GOLGA2: variants seen among roughly 807,000 people sequenced by gnomAD.
GOLGA2 encodes the protein golgin A2.
Under a neutral mutation model 148.8 loss-of-function variants are expected in GOLGA2, and 49 were observed. The observed-to-expected ratio is 0.33, with a 90% confidence interval of 0.26 to 0.42. GOLGA2 has a LOEUF of 0.42. Ranked by LOEUF, GOLGA2 falls within the 10% of genes least tolerant of loss-of-function variation. The pLI, the probability that GOLGA2 is intolerant of heterozygous loss-of-function variation, is 1.00. For synonymous variants in GOLGA2, 501 were observed against 511.8 expected (o/e 0.98, Z 0.28); for missense variants, 1,178 against 1,304.6 (o/e 0.90, Z 1.49).
In GOLGA2 at chr9:128,260,540, G is replaced by A. The variant is rs1408331948; in HGVS notation, c.1683C>T (p.Thr561=). Residue 561 remains threonine (T), a synonymous_variant, in exon 18 of 27, where the codon ACC becomes ACT. Coordinates refer to ENST00000611957, the MANE Select transcript of GOLGA2 (RefSeq NM_001366244.2). The surrounding 1 kb of genome is among the most constrained non-coding windows in gnomAD (Gnocchi z 4.8). ...GGTTCTGGGAGAGTGCGCGGCTGATGGTAGTGCGGTCGTTCTGCATGGTCT... is the reference window on the plus strand; with the variant it reads ...GGTTCTGGGAGAGTGCGCGGCTGATAGTAGTGCGGTCGTTCTGCATGGTCT... ...ILETMQNDRT[T]ISRALSQNRE... 4 of 1,613,152 alleles carry A rather than the reference G, an allele frequency of 2.5e-6. No individual in the cohort carries two copies. In the African/African-American group the frequency reaches 4.0e-5, roughly 16 times the overall value.
Position 128,259,327 on chromosome 9 carries a change from A to G in GOLGA2, c.1937T>C (p.Leu646Pro). Residue 646 changes from leucine (L) to proline (P), a missense_variant, in exon 20 of 27, where the codon CTG becomes CCG. By Grantham distance (98) the Leu-to-Pro change is moderately conservative. Transcript: ENST00000611957. ...CTGATAGGCGGCCACATACTGCTGC[A>G]GGTGTCCCAGGTACTGGTCTCGCTG... The part of the protein sequence containing the change: ...QQQRDQYLGH[L>P]QQYVAAYQQL... The G allele has an allele frequency of 6.2e-7, 1 of 1,609,562 alleles. No homozygotes were observed. The highest frequency in any genetic ancestry group is 8.5e-7 in the Non-Finnish European group (1 of 1,178,582).
At chr9:128,259,951 C>A (rs1830146463) in intron 19 of GOLGA2, 125 bp downstream of exon 19, 3 of 721,704 alleles carry the variant, frequency 4.2e-6, no homozygotes, top group Non-Finnish European at 7.4e-6. Context: ...GAAACAGTCA[C>A]AGGACTGCCC....
rs1015838236 is a variant in GOLGA2 at position 128,271,250 on chromosome 9, G to A, written c.288+1535C>T. Reference sequence around the variant, plus strand: ...CTGTGCTCCCCAGCCGTACCACTCAGCGTCTCCTCTGAGCTGGCAAGGTGA... The same window carrying A: ...CTGTGCTCCCCAGCCGTACCACTCAACGTCTCCTCTGAGCTGGCAAGGTGA... On this transcript the variant is annotated intron_variant, in intron 3 of 26. Coordinates refer to ENST00000611957, the MANE Select transcript of GOLGA2 (RefSeq NM_001366244.2). The surrounding 1 kb of genome is among the most constrained non-coding windows in gnomAD (Gnocchi z 4.4). Among the ~76,000 whole-genome samples, 3 of 152,142 alleles carry A rather than the reference G, an allele frequency of 2.0e-5. No homozygotes were observed. Among genetic ancestry groups the A allele is most frequent in the African/African-American group, 7.2e-5 (3 of 41,424 alleles).
rs1213721077 is a variant in GOLGA2, at chr9:128,259,386, C to G, written c.1878G>C (p.Glu626Asp). The change falls in exon 20 of 27, where the codon GAG becomes GAC. Residue 626 changes from glutamate (E) to aspartate (D), a missense_variant. Glu to Asp is a conservative substitution (Grantham distance 45, BLOSUM62 2). This residue lies in a region of GOLGA2 where 529 missense variants were observed against 521.8 expected (regional missense o/e 1.01). Transcript: ENST00000611957. ...GACTTTGAGCCTCTTGGCTCTTCAG[C>G]TCCACCTGTAGGAAGACCCTGGGCG... is the stretch of plus-strand genomic sequence containing the variant. ...EKLSELKETV[E>D]LKSQEAQSLQ... 1.9e-6 allele frequency: 3 copies of G among 1,577,228 alleles called. No individual in the cohort carries two copies. Among genetic ancestry groups the G allele is most frequent in the Non-Finnish European group, 2.6e-6 (3 of 1,160,310 alleles).
In GOLGA2 at chr9:128,260,022, C is replaced by A; in HGVS notation, c.1872+54G>T. 3.9e-6 allele frequency: 5 copies of A among 1,282,890 alleles called. No homozygotes were observed. The highest frequency in any genetic ancestry group is 3.5e-5 in the South Asian group (3 of 84,612). The allele number at this position is 1,282,890 out of a possible 1,614,324, so 79.5% of individuals were successfully genotyped here. ...AGCTGCCTCTGGCCTCACACCACCC[C>A]TCCCCAGAGGCTGGTGCCCGCCTCC... is the stretch of plus-strand genomic sequence containing the variant. On this transcript the variant is annotated intron_variant, in intron 19 of 26. Transcript: ENST00000611957. This position sits in a 1 kb window ranked among gnomAD's most constrained non-coding sequence, Gnocchi z 4.8.
At chr9:128,267,635 C>T (rs1382957676) in intron 6 of GOLGA2, 118 bp from the exon 7 acceptor site, 3 of 785,262 alleles carry the variant, frequency 3.8e-6, no homozygotes, top group South Asian at 3.0e-5. Context: ...ACCCTCTGTC[C>T]CGTAACCCCT....
intron 4 of GOLGA2, 23 bp from the exon 5 acceptor site, chr9:128,268,183 G>T: frequency 6.2e-7 from 1 of 1,604,006 alleles, no homozygotes; most frequent in Non-Finnish European, 8.5e-7. Flanking sequence ...AAACGTGTGA[G>T]ATGGTCATTC....
rs62587120 is a variant in GOLGA2, at chr9:128,258,536, C to A, written c.2208G>T (p.Glu736Asp). ...DGLDREEEEDEEEEEEEAVAV... is the reference protein window; with the variant it reads ...DGLDREEEEDDEEEEEEAVAV... ...CCACCGCCTCCTCCTCCTCCTCCTC[C>A]TCATCCTCCTCCTCCTCCCGGTCCA... The change falls in exon 22 of 27, where the codon GAG becomes GAT. Residue 736 changes from glutamate to aspartate, a missense_variant. Physicochemically the swap from Glu to Asp is conservative, Grantham distance 45. Transcript: ENST00000611957. This position sits in a 1 kb window ranked among gnomAD's most constrained non-coding sequence, Gnocchi z 6.6. 8 of 1,556,486 alleles carry A rather than the reference C, an allele frequency of 5.1e-6. No homozygotes were observed. The East Asian group carries it at 7.1e-5, about 14-fold the overall frequency.
chr9:128,259,003 G>T lies in GOLGA2; in HGVS notation c.2173+4C>A. The T allele has an allele frequency of 1.9e-6, 3 of 1,578,160 alleles. No homozygotes were observed. Among genetic ancestry groups the T allele is most frequent in the Non-Finnish European group, 1.7e-6 (2 of 1,152,656 alleles). ...CTCCTCTTCCTGTGAGCAGGTTCCC[G>T]TACCTTCCCCAGGGTGAGCCATGAG... On this transcript the variant is annotated splice_donor_region_variant and intron_variant, in intron 21 of 26. Coordinates refer to ENST00000611957, the MANE Select transcript of GOLGA2 (RefSeq NM_001366244.2).
Position 128,262,944 on chromosome 9 carries a change from CTCA to C in GOLGA2, c.992+87_992+89del, listed in dbSNP as rs1366578009. On this transcript the variant is annotated intron_variant, in intron 13 of 26. Coordinates refer to ENST00000611957, the MANE Select transcript of GOLGA2 (RefSeq NM_001366244.2). Reference sequence around the variant, plus strand: ...CACACATGCACACCTCTATGACTACCTCATCATGCTTACCTGTACCCCCCACCT... The same window carrying C: ...CACACATGCACACCTCTATGACTACCTCATGCTTACCTGTACCCCCCACCT... 1.1e-5 allele frequency: 10 copies of C among 930,462 alleles called. No homozygotes were observed. The East Asian group carries it at 2.4e-4, about 22-fold the overall frequency. The allele number at this position is 930,462 out of a possible 1,614,324, so 57.6% of individuals were successfully genotyped here. A position where few individuals can be genotyped will look rare whatever the true frequency, so the allele number is the denominator to read the frequency against.
At chr9:128,262,729 G>A (rs755853618) in intron 13 of GOLGA2, 25 bp from the exon 14 acceptor site, 6 of 1,605,574 alleles carry the variant, frequency 3.7e-6, no homozygotes, top group Non-Finnish European at 3.4e-6. Context: ...AGTAGAGAAA[G>A]GAATGAACGA....
Position 128,260,199 on chromosome 9 carries a change from G to C in GOLGA2, c.1759-10C>G. 5 of 1,589,460 alleles carry C rather than the reference G, an allele frequency of 3.1e-6. No homozygotes were observed. Among genetic ancestry groups the C allele is most frequent in the Non-Finnish European group, 4.3e-6 (5 of 1,164,994 alleles). ...CCATGTTCTCATTAGTCTGGACAGA[G>C]AGAAGCAATCAGCGGCCACCCACTG... On this transcript the variant is annotated splice_polypyrimidine_tract_variant and intron_variant, in intron 18 of 26. Transcript: ENST00000611957. The surrounding 1 kb of genome is among the most constrained non-coding windows in gnomAD (Gnocchi z 4.8).
In GOLGA2 at chr9:128,260,667, C is replaced by A; in HGVS notation, c.1556G>T (p.Gly519Val). The A allele has an allele frequency of 3.7e-6, 6 of 1,613,202 alleles. No individual in the cohort carries two copies. Among genetic ancestry groups the A allele is most frequent in the Non-Finnish European group, 5.1e-6 (6 of 1,180,010 alleles). The change falls in exon 18 of 27, where the codon GGC becomes GTC. Residue 519 changes from glycine (G) to valine (V), a missense_variant. Gly to Val is a moderately radical substitution (Grantham distance 109). This residue lies in a region of GOLGA2 where 529 missense variants were observed against 521.8 expected (regional missense o/e 1.01). Coordinates refer to ENST00000611957, the MANE Select transcript of GOLGA2 (RefSeq NM_001366244.2). This position sits in a 1 kb window ranked among gnomAD's most constrained non-coding sequence, Gnocchi z 4.8. ...CTGCTCCCGGTTCAGGCGACTCAAG[C>A]CCTCATTGTCTTGCACCTGGGCTTG... ...QLQAQVQDNE[G>V]LSRLNREQEE...
chr9:128,272,802 G>T lies in GOLGA2; in HGVS notation c.271C>A (p.Pro91Thr), dbSNP rs920181083. 6 of 1,268,280 alleles carry T rather than the reference G, an allele frequency of 4.7e-6. No homozygotes were observed. The highest frequency in any genetic ancestry group is 1.5e-5 in the African/African-American group (1 of 65,358). 78.6% of individuals were successfully genotyped at this position (1,268,280 alleles called of 1,614,324 possible). ...TGCCTCACCTTCCACTTGTCCAATG[G>T]GGGGAGCGCTACCCCATTGGAACGG... Reference protein sequence around the residue: ...LNRSNGVALPPLDKWKTPKDN... With the variant: ...LNRSNGVALPTLDKWKTPKDN... The change falls in exon 3 of 27, where the codon CCA becomes ACA. Residue 91 changes from proline (P) to threonine (T), a missense_variant. By Grantham distance (38) the Pro-to-Thr change is conservative (BLOSUM62 -1). This residue lies in a region of GOLGA2 where 158 missense variants were observed against 156.6 expected (regional missense o/e 1.01). Transcript: ENST00000611957.
chr9:128,257,769 G>T lies in GOLGA2; in HGVS notation c.2611+21C>A, dbSNP rs201340155. The T allele has an allele frequency of 6.2e-7, 1 of 1,609,638 alleles. No individual in the cohort carries two copies. The highest frequency in any genetic ancestry group is 1.3e-5 in the African/African-American group (1 of 74,818). The stretch of plus-strand genomic sequence containing the variant: ...CGACCGCTGTGCAGCTCCTCCTGCC[G>T]TGCCCTGGCCTCCCACTCACCAATG... On this transcript the variant is annotated intron_variant, in intron 24 of 26. Coordinates refer to ENST00000611957, the MANE Select transcript of GOLGA2 (RefSeq NM_001366244.2). The surrounding 1 kb of genome is among the most constrained non-coding windows in gnomAD (Gnocchi z 8.0).
chr9:128,275,503 G>C lies in GOLGA2; in HGVS notation c.84+390C>G, dbSNP rs925039843. On this transcript the variant is annotated intron_variant, in intron 1 of 26. Coordinates refer to ENST00000611957, the MANE Select transcript of GOLGA2 (RefSeq NM_001366244.2). ...CGGTTTGGGGCGGCAGGAGGTGAGG[G>C]TCGAGTCTGGAGCGGGGGGCCCCGG... is the stretch of plus-strand genomic sequence containing the variant. 15 of 1,309,650 alleles carry C rather than the reference G, an allele frequency of 1.1e-5. No individual in the cohort carries two copies. The African/African-American group carries it at 2.3e-4, about 20-fold the overall frequency. 81.1% of individuals were successfully genotyped at this position (1,309,650 alleles called of 1,614,324 possible). A position where few individuals can be genotyped will look rare whatever the true frequency, so the allele number is the denominator to read the frequency against.
rs774036712 is a variant in GOLGA2, at chr9:128,261,417, T to C, written c.1332+37A>G. The C allele has an allele frequency of 1.0e-5, 13 of 1,303,816 alleles. No homozygotes were observed. Among genetic ancestry groups the C allele is most frequent in the Admixed American group, 1.7e-5 (1 of 59,616 alleles). The allele number at this position is 1,303,816 out of a possible 1,614,324, so 80.8% of individuals were successfully genotyped here. ...ATGCCCAGAAAGATCAAGTGACCTA[T>C]CTAAGGTTGAGGGGGAGCTGAAGGG... On this transcript the variant is annotated intron_variant, in intron 16 of 26. Coordinates refer to ENST00000611957, the MANE Select transcript of GOLGA2 (RefSeq NM_001366244.2). This position sits in a 1 kb window ranked among gnomAD's most constrained non-coding sequence, Gnocchi z 5.7.
At chr9:128,270,847 A>G (rs1830897562) in intron 3 of GOLGA2, among the ~76,000 whole-genome samples, 1 of 152,108 alleles carries the variant, frequency 6.6e-6, no homozygotes, top group Non-Finnish European at 1.5e-5. Flanking sequence ...GGAGTTCGAA[A>G]CCAGCCTGAG....
Position 128,259,153 on chromosome 9 carries a change from A to G in GOLGA2, c.2097+14T>C, listed in dbSNP as rs775248808. The stretch of plus-strand genomic sequence containing the variant: ...TTGTCCCCCTCGGGGCCCTGCCCTC[A>G]CCAACTCCCTCACCTGGGTTTCCTG... On this transcript the variant is annotated intron_variant, in intron 20 of 26. Coordinates refer to ENST00000611957, the MANE Select transcript of GOLGA2 (RefSeq NM_001366244.2). 1 of 1,604,406 alleles carries G rather than the reference A, an allele frequency of 6.2e-7. No homozygotes were observed. Among genetic ancestry groups the G allele is most frequent in the Non-Finnish European group, 8.5e-7 (1 of 1,173,234 alleles).
Sources: allele counts gnomAD v4.1 joint callset (sites outside exome capture counted in the v4.1 genomes callset), GRCh38; gene constraint gnomAD v4.1.1; regional missense constraint gnomAD v4.1.1; non-coding constraint Gnocchi (gnomAD v3.1); transcripts MANE v1.5; gene names NCBI Gene and HGNC (gene_info 2026-07-23, HGNC 2026-07-21).